The following SNTG1 variants were observed in gnomAD, a reference collection of about 807,000 sequenced individuals.
SNTG1 encodes gamma-1-syntrophin.
SNTG1 carries 39 observed loss-of-function variants against 74.7 expected under a neutral mutation model. The observed-to-expected ratio is 0.52, with a 90% CI of 0.40 to 0.68. The LOEUF is 0.68. Among genes scored for constraint, SNTG1 ranks in the 30% least tolerant of loss-of-function variants. The pLI is 0.00. For synonymous variants in SNTG1, 254 were observed against 217.1 expected, an observed-to-expected ratio of 1.17 and a Z score of -1.49; for missense variants, 685 against 609.5, an observed-to-expected ratio of 1.12 and a Z score of -1.30.
intron 1 of SNTG1, among the ~76,000 whole-genome samples, chr8:50,162,333 C>G (rs7821723): frequency 3.3e-5 from 5 of 151,862 alleles, no homozygotes; most frequent in African/African-American, 7.3e-5. Flanking sequence ...GAGGTCGAGG[C>G]GGGCGTATCA....
At chr8:50,541,778 A>G (rs1181446241) in intron 11 of SNTG1, among the ~76,000 whole-genome samples, 1 of 151,910 alleles carries the variant, frequency 6.6e-6, no homozygotes, top group African/African-American at 2.4e-5. Flanking sequence ...ACTATACTAT[A>G]TATTTGTGTT....
intron 2 of SNTG1, among the ~76,000 whole-genome samples, chr8:50,393,051 G>A (rs184191919): frequency 4.3e-5 from 6 of 138,176 alleles, no homozygotes; most frequent in Non-Finnish European, 6.8e-5. Context: ...ATATTTACAG[G>A]TTCTTCAAAT....
chr8:50,297,764 T>C (rs2089454781), intron 2 of SNTG1, among the ~76,000 whole-genome samples: 1 of 152,112 alleles, frequency 6.6e-6, no homozygotes, highest in Non-Finnish European at 1.5e-5. Flanking sequence ...TTTCAGATTG[T>C]AGTTACTGCA....
intron 5 of SNTG1, 32 bp from the exon 6 acceptor site, chr8:50,449,635 TA>T: frequency 3.3e-6 from 5 of 1,523,624 alleles, no homozygotes; most frequent in East Asian, 4.7e-5. Context: ...TTTTTTAGAT[TA>T]AAAAGTACAA....
In SNTG1 at chr8:50,583,937, G is replaced by A. The variant is rs375857857; in HGVS notation, c.811-6942G>A. On this transcript the variant is annotated intron_variant, in intron 12 of 18. Transcript: ENST00000642720. ...TCCCTCCCCGCTCCCTCCACCCCAC[G>A]ACAGGCCCCAGAGTGTGATGTTCCC... Among the ~76,000 whole-genome samples the A allele has an allele frequency of 3.0e-4, 45 of 151,620 alleles. No homozygotes were observed. In the East Asian group the frequency reaches 3.3e-3, roughly 11 times the overall value.
intron 2 of SNTG1, among the ~76,000 whole-genome samples, chr8:50,208,834 A>T (rs1341761968): frequency 6.6e-6 from 1 of 152,148 alleles, no homozygotes; most frequent in East Asian, 1.9e-4. Flanking sequence ...GCGTGAGCGA[A>T]GCAGAAGATG....
At chr8:50,088,794 T>C (rs1467154641) in intron 1 of SNTG1, among the ~76,000 whole-genome samples, 1 of 148,380 alleles carries the variant, frequency 6.7e-6, no homozygotes. Context: ...TGCTCATGGG[T>C]AGGAAGAATC....
intron 1 of SNTG1, among the ~76,000 whole-genome samples, chr8:50,007,634 A>G (rs1815365703): frequency 6.6e-6 from 1 of 152,112 alleles, no homozygotes. Flanking sequence ...GCAGGTCATG[A>G]GTGATTCCTG....
chr8:50,741,774 A>AATTG (rs1482083288), intron 17 of SNTG1, among the ~76,000 whole-genome samples: 3 of 152,058 alleles, frequency 2.0e-5, no homozygotes, highest in African/African-American at 7.2e-5. Flanking sequence ...GGAAAGGATT[A>AATTG]TATACTGTAT....
chr8:50,725,486 T>G (rs1261540141), intron 17 of SNTG1, among the ~76,000 whole-genome samples: 4 of 152,128 alleles, frequency 2.6e-5, no homozygotes, highest in Non-Finnish European at 5.9e-5. Flanking sequence ...AATATAGTCT[T>G]AATAATATAA....
intron 18 of SNTG1, among the ~76,000 whole-genome samples, chr8:50,791,829 A>G (rs910725537): frequency 6.6e-6 from 1 of 151,860 alleles, no homozygotes; most frequent in African/African-American, 2.4e-5. Flanking sequence ...AAATTAAGAC[A>G]TGTTTATGTG....
chr8:50,561,088 G>C (rs1016485983), intron 12 of SNTG1, among the ~76,000 whole-genome samples: 14 of 152,270 alleles, frequency 9.2e-5, no homozygotes, highest in Admixed American at 8.5e-4. Flanking sequence ...TCAGAGGAGG[G>C]ACCTGGTGTG....
At chr8:50,221,690 CATA>C (rs1041512207) in intron 2 of SNTG1, among the ~76,000 whole-genome samples, 1 of 152,068 alleles carries the variant, frequency 6.6e-6, no homozygotes, top group Non-Finnish European at 1.5e-5. Context: ...TTATTGGACA[CATA>C]ATAGTTGCAT....
At chr8:50,337,821 T>C (rs2091192266) in intron 2 of SNTG1, among the ~76,000 whole-genome samples, 1 of 152,206 alleles carries the variant, frequency 6.6e-6, no homozygotes, top group Admixed American at 6.5e-5. Flanking sequence ...GAAAAATTTA[T>C]GAGGATATAA....
At chr8:50,490,030 C>T (rs2093837236) in intron 8 of SNTG1, among the ~76,000 whole-genome samples, 1 of 152,134 alleles carries the variant, frequency 6.6e-6, no homozygotes, top group East Asian at 1.9e-4. Context: ...ATAGGGAATC[C>T]TTTCCTCATT....
At chr8:50,126,841 T>G (rs901240265) in intron 1 of SNTG1, among the ~76,000 whole-genome samples, 1 of 152,014 alleles carries the variant, frequency 6.6e-6, no homozygotes, top group African/African-American at 2.4e-5. Context: ...AAGTCTGTAT[T>G]GAAGGTGAGT....
chr8:50,368,999 C>A (rs2092198747), intron 2 of SNTG1, among the ~76,000 whole-genome samples: 1 of 152,050 alleles, frequency 6.6e-6, no homozygotes, highest in African/African-American at 2.4e-5. Context: ...TCATTCATAT[C>A]TTAGTTAGAT....
intron 1 of SNTG1, among the ~76,000 whole-genome samples, chr8:49,923,652 ACTGCTCC>A (rs1195628196): frequency 2.0e-5 from 3 of 152,086 alleles, no homozygotes; most frequent in Admixed American, 1.3e-4. Flanking sequence ...CTATATTATA[ACTGCTCC>A]TAATGAACAT....
At chr8:50,020,692 A>C (rs573184452) in intron 1 of SNTG1, among the ~76,000 whole-genome samples, 1 of 152,230 alleles carries the variant, frequency 6.6e-6, no homozygotes, top group African/African-American at 2.4e-5. Context: ...TGCATAGACT[A>C]CACCCCTGCA....
Sources: gnomAD v4.1 joint callset for allele counts (sites outside exome capture counted in the v4.1 genomes callset) on GRCh38, gnomAD v4.1.1 for gene constraint, MANE v1.5 for transcripts, NCBI Gene and HGNC (gene_info 2026-07-23, HGNC 2026-07-21) for gene names.